The following FRMD5 variants were observed in gnomAD, a reference collection of about 807,000 sequenced individuals.
FRMD5 encodes FERM domain containing 5.
Under a neutral mutation model 69.0 loss-of-function variants are expected in FRMD5, and 20 were observed. The observed-to-expected ratio is 0.29, with a 90% CI of 0.20 to 0.42. The LOEUF (loss-of-function observed/expected upper bound fraction) is 0.42, where lower values mean the gene tolerates loss of function less well. Among genes scored for constraint, FRMD5 ranks in the 10% least tolerant of loss-of-function variants. The pLI, the probability that FRMD5 is intolerant of heterozygous loss-of-function variation, is 1.00. For synonymous variants in FRMD5, 271 were observed against 260.1 expected, an observed-to-expected ratio of 1.04 and a Z score of -0.40; for missense variants, 595 against 708.6, an observed-to-expected ratio of 0.84 and a Z score of 1.82.
chr15:44,146,246 T>C (rs1210571875), intron 1 of FRMD5, among the ~76,000 whole-genome samples: 1 of 152,116 alleles, frequency 6.6e-6, no homozygotes, highest in South Asian at 2.1e-4. Flanking sequence ...AGTGAGAACA[T>C]GTGGTGTTTG....
chr15:44,024,158 G>T (rs1216178678), intron 1 of FRMD5, among the ~76,000 whole-genome samples: 1 of 151,950 alleles, frequency 6.6e-6, no homozygotes, highest in African/African-American at 2.4e-5. Context: ...TTTAATCATA[G>T]AGAAAAGTAC....
chr15:44,045,006 T>G (rs1187044668), intron 1 of FRMD5, among the ~76,000 whole-genome samples: 1 of 152,224 alleles, frequency 6.6e-6, no homozygotes, highest in Admixed American at 6.5e-5. Flanking sequence ...TTAAAGACTA[T>G]ACATCCTCTG....
intron 1 of FRMD5, among the ~76,000 whole-genome samples, chr15:44,077,128 G>A (rs1480583020): frequency 6.6e-6 from 1 of 151,998 alleles, no homozygotes; most frequent in Non-Finnish European, 1.5e-5. Flanking sequence ...TATAAGTCAA[G>A]CATAACAGGT....
intron 5 of FRMD5, among the ~76,000 whole-genome samples, chr15:43,909,231 C>T (rs2089238937): frequency 6.6e-6 from 1 of 151,510 alleles, no homozygotes; most frequent in Admixed American, 6.6e-5. Flanking sequence ...TCCATCTCTA[C>T]TAAAAATACA....
chr15:44,164,892 T>C lies in FRMD5; in HGVS notation c.102+30061A>G, dbSNP rs80310629. Among the ~76,000 whole-genome samples, 870 of 152,302 alleles carry C rather than the reference T, an allele frequency of 5.7e-3. 8 individuals carry two copies. The highest frequency in any genetic ancestry group is 0.032 in the East Asian group (166 of 5,184). On this transcript the variant is annotated intron_variant, in intron 1 of 13. Transcript: ENST00000417257. ...GTGGTAGCACTGTGGCACCGGTGCC[T>C]AGTGTTCAGTGTCCCAGATGACAGT...
chr15:44,063,052 C>T (rs530499278), intron 1 of FRMD5, among the ~76,000 whole-genome samples: 97 of 152,262 alleles, frequency 6.4e-4, no homozygotes, highest in African/African-American at 2.3e-3. Context: ...AAATCTCCAG[C>T]CTTTTCTTTT....
chr15:43,972,591 C>T (rs2090398173), intron 1 of FRMD5, among the ~76,000 whole-genome samples: 1 of 152,200 alleles, frequency 6.6e-6, no homozygotes, highest in Non-Finnish European at 1.5e-5. Context: ...GTAGTTACTG[C>T]AGCACTGGCT....
chr15:43,975,414 T>C (rs145735241), intron 1 of FRMD5, among the ~76,000 whole-genome samples: 1 of 152,242 alleles, frequency 6.6e-6, no homozygotes, highest in African/African-American at 2.4e-5. Context: ...CCAGCAGAGA[T>C]ATTCTTGGCA....
chr15:44,192,103 G>T (rs1328334334), intron 1 of FRMD5, among the ~76,000 whole-genome samples: 1 of 151,730 alleles, frequency 6.6e-6, no homozygotes, highest in East Asian at 1.9e-4. Context: ...ATTTCTCATG[G>T]TCTACAAATA....
At chr15:44,033,262 A>C (rs932489702) in intron 1 of FRMD5, among the ~76,000 whole-genome samples, 1 of 152,148 alleles carries the variant, frequency 6.6e-6, no homozygotes, top group Non-Finnish European at 1.5e-5. Context: ...GCGAGGAGAG[A>C]AAGGAGCAGA....
intron 1 of FRMD5, among the ~76,000 whole-genome samples, chr15:44,125,651 C>G (rs2077015572): frequency 6.6e-6 from 1 of 152,018 alleles, no homozygotes; most frequent in African/African-American, 2.4e-5. Context: ...GACATTCAGA[C>G]AAAATAAAAA....
intron 1 of FRMD5, among the ~76,000 whole-genome samples, chr15:43,945,549 C>G (rs1244420333): frequency 6.6e-6 from 1 of 152,072 alleles, no homozygotes; most frequent in African/African-American, 2.4e-5. Flanking sequence ...TCCTGGGTAC[C>G]TGAGCCTGTT....
intron 8 of FRMD5, among the ~76,000 whole-genome samples, chr15:43,891,770 G>A (rs958249064): frequency 1.3e-5 from 2 of 152,120 alleles, no homozygotes; most frequent in African/African-American, 4.8e-5. Context: ...TTTCCTTTCT[G>A]GAGAGGCTGT....
intron 1 of FRMD5, among the ~76,000 whole-genome samples, chr15:43,959,000 C>G (rs1457846161): frequency 1.3e-5 from 2 of 152,202 alleles, no homozygotes; most frequent in Non-Finnish European, 2.9e-5. Context: ...CTTATGCATC[C>G]TCTGAAGGGA....
At chr15:44,005,617 T>C (rs1890408819) in intron 1 of FRMD5, among the ~76,000 whole-genome samples, 4 of 151,678 alleles carry the variant, frequency 2.6e-5, no homozygotes, top group Admixed American at 2.6e-4. Context: ...AAACTTACAA[T>C]CATGGTGGAA....
At chr15:43,876,519 TTTTAATAA>T (rs1420145243) in intron 13 of FRMD5, among the ~76,000 whole-genome samples, 1 of 152,128 alleles carries the variant, frequency 6.6e-6, no homozygotes, top group Non-Finnish European at 1.5e-5. Context: ...ACTATAAAAT[TTTTAATAA>T]AAGAGAGGTA....
At chr15:44,197,870 G>A (rs2078322136), upstream of FRMD5, among the ~76,000 whole-genome samples, 1 of 152,152 alleles carries the variant, frequency 6.6e-6, no homozygotes, top group South Asian at 2.1e-4. Flanking sequence ...CTGTTAGAAT[G>A]AAAAGGCAAA....
intron 11 of FRMD5, 46 bp downstream of exon 11, chr15:43,885,635 G>C: frequency 6.7e-7 from 1 of 1,493,508 alleles, no homozygotes; most frequent in Non-Finnish European, 9.3e-7. Context: ...CTCCAGAGAA[G>C]GGTCTGAAAA....
intron 1 of FRMD5, among the ~76,000 whole-genome samples, chr15:44,132,850 C>T (rs950915642): frequency 1.3e-5 from 2 of 151,092 alleles, no homozygotes; most frequent in Non-Finnish European, 3.0e-5. Context: ...CTCCGTCTCC[C>T]GGGTTCAAGC....
Sources: allele counts gnomAD v4.1 joint callset (sites outside exome capture counted in the v4.1 genomes callset), GRCh38; gene constraint gnomAD v4.1.1; transcripts MANE v1.5; gene names NCBI Gene and HGNC (gene_info 2026-07-23, HGNC 2026-07-21).